SCGB2B2: variants seen among roughly 807,000 people sequenced by gnomAD.
The protein encoded by SCGB2B2 is secretoglobin family 2B member 2.
Under a neutral mutation model 7.6 loss-of-function variants are expected in SCGB2B2, and 11 were observed. That is an observed-to-expected ratio of 1.45 (90% CI 0.91 to 2.40). The LOEUF (loss-of-function observed/expected upper bound fraction) is 2.40. Among genes scored for constraint, SCGB2B2 ranks in the 30% most tolerant of loss-of-function variants. The probability of loss-of-function intolerance (pLI) is 0.00; values close to 1 mark genes in which losing one functional copy is unlikely to be tolerated. For synonymous variants in SCGB2B2, 50 were observed against 48.6 expected, an observed-to-expected ratio of 1.03 and a Z score of -0.12; for missense variants, 104 against 115.4, an observed-to-expected ratio of 0.90 and a Z score of 0.45.
downstream of SCGB2B2, among the ~76,000 whole-genome samples, chr19:34,586,258 AAT>A (rs1276522774): frequency 7.2e-5 from 11 of 151,734 alleles, no homozygotes; most frequent in African/African-American, 2.7e-4. Flanking sequence ...ATTTTGTTTT[AAT>A]ATCTTTTAAT....
downstream of SCGB2B2, among the ~76,000 whole-genome samples, chr19:34,587,711 T>C (rs973720999): frequency 3.3e-5 from 5 of 152,246 alleles, no homozygotes; most frequent in Admixed American, 2.0e-4. Context: ...ATTCCTTCTA[T>C]ACTCAGTTTG....
intron 1 of SCGB2B2, among the ~76,000 whole-genome samples, chr19:34,617,005 G>A (rs1454208268): frequency 6.6e-6 from 1 of 152,120 alleles, no homozygotes; most frequent in Non-Finnish European, 1.5e-5. Context: ...TAGATATGCG[G>A]CATTATTTCT....
At chr19:34,616,315 A>C (rs1484833697) in intron 1 of SCGB2B2, among the ~76,000 whole-genome samples, 1 of 147,704 alleles carries the variant, frequency 6.8e-6, no homozygotes, top group African/African-American at 2.5e-5. Flanking sequence ...ACAGGGTAAA[A>C]GTGTTCCTAT....
chr19:34,640,706 A>G (rs1010187296), intron 1 of SCGB2B2: 1 of 152,178 alleles, frequency 6.6e-6, no homozygotes, highest in Non-Finnish European at 1.5e-5. Context: ...ACCACTATCG[A>G]TGTCCAAAAC....
rs1323314031 is a variant in SCGB2B2, at chr19:34,668,572, C to T, written c.-2032+7058G>A. On this transcript the variant is annotated intron_variant, in intron 1 of 3. Transcript: ENST00000601241. Reference sequence around the variant, plus strand: ...TGGCAGGCAGCTCCACCTGTGGCCCCGGTGCGGGATCCACTGGGTGAAGCC... The same window carrying T: ...TGGCAGGCAGCTCCACCTGTGGCCCTGGTGCGGGATCCACTGGGTGAAGCC... Among the ~76,000 whole-genome samples the T allele has an allele frequency of 3.3e-5, 5 of 152,216 alleles. No individual in the cohort carries two copies. The East Asian group carries it at 7.7e-4, about 23-fold the overall frequency.
intron 1 of SCGB2B2, among the ~76,000 whole-genome samples, chr19:34,626,284 A>G (rs950543881): frequency 1.3e-5 from 2 of 152,248 alleles, no homozygotes; most frequent in African/African-American, 4.8e-5. Flanking sequence ...TTGAGAGAAG[A>G]AGGCTTCAGA....
chr19:34,610,675 G>C (rs921692391), intron 1 of SCGB2B2, among the ~76,000 whole-genome samples: 1 of 151,668 alleles, frequency 6.6e-6, no homozygotes, highest in Non-Finnish European at 1.5e-5. Flanking sequence ...CTTGATCATG[G>C]TGAATTAGCA....
At chr19:34,659,358 T>G (rs556136624) in intron 1 of SCGB2B2, among the ~76,000 whole-genome samples, 4 of 152,216 alleles carry the variant, frequency 2.6e-5, no homozygotes, top group Non-Finnish European at 5.9e-5. Context: ...TGTCCCTGTT[T>G]GCAGATGACA....
At chr19:34,636,046 G>C (rs1233338248) in intron 1 of SCGB2B2, among the ~76,000 whole-genome samples, 1 of 152,180 alleles carries the variant, frequency 6.6e-6, no homozygotes, top group Non-Finnish European at 1.5e-5. Flanking sequence ...AGGCTTTCTG[G>C]GCAGCTGGAC....
At chr19:34,655,797 C>T (rs1047484220) in intron 1 of SCGB2B2, among the ~76,000 whole-genome samples, 7 of 151,102 alleles carry the variant, frequency 4.6e-5, no homozygotes, top group Non-Finnish European at 1.0e-4. Flanking sequence ...ACATATCTAA[C>T]GAGAGGCAAG....
At chr19:34,603,723 A>G (rs2065694794) in intron 1 of SCGB2B2, among the ~76,000 whole-genome samples, 1 of 151,982 alleles carries the variant, frequency 6.6e-6, no homozygotes, top group Non-Finnish European at 1.5e-5. Context: ...TTTTTCTTGG[A>G]ATTTAAACAC....
chr19:34,639,077 T>C (rs992554095), intron 1 of SCGB2B2, among the ~76,000 whole-genome samples: 7 of 152,206 alleles, frequency 4.6e-5, no homozygotes, highest in Non-Finnish European at 8.8e-5. Flanking sequence ...TTTACTTTTT[T>C]TCCCCTAATT....
At chr19:34,625,187 C>T (rs184680016) in intron 1 of SCGB2B2, among the ~76,000 whole-genome samples, 50 of 152,266 alleles carry the variant, frequency 3.3e-4, no homozygotes, top group Admixed American at 2.6e-3. Flanking sequence ...CAGCTCCCAG[C>T]GTGAGTGATG....
At chr19:34,587,493 C>A (rs937814671), downstream of SCGB2B2, among the ~76,000 whole-genome samples, 1 of 152,144 alleles carries the variant, frequency 6.6e-6, no homozygotes, top group African/African-American at 2.4e-5. Flanking sequence ...ATTTGACATC[C>A]TCCTTTCCAG....
At chr19:34,587,478 A>G (rs919692331), downstream of SCGB2B2, among the ~76,000 whole-genome samples, 11 of 152,172 alleles carry the variant, frequency 7.2e-5, no homozygotes, top group African/African-American at 2.7e-4. Context: ...CTGCAAGCAG[A>G]GACAATTTGA....
At chr19:34,615,664 T>G (rs1314356028) in intron 1 of SCGB2B2, among the ~76,000 whole-genome samples, 1 of 152,166 alleles carries the variant, frequency 6.6e-6, no homozygotes, top group Non-Finnish European at 1.5e-5. Flanking sequence ...TGTGTGGATT[T>G]GGTATCAATC....
chr19:34,618,307 C>T (rs2145881383), intron 1 of SCGB2B2, among the ~76,000 whole-genome samples: 1 of 152,272 alleles, frequency 6.6e-6, no homozygotes, highest in Non-Finnish European at 1.5e-5. Context: ...ATAATGCAAA[C>T]TTTTTATAAA....
intron 1 of SCGB2B2, among the ~76,000 whole-genome samples, chr19:34,626,271 G>A (rs541469901): frequency 2.0e-5 from 3 of 152,310 alleles, no homozygotes; most frequent in East Asian, 1.9e-4. Context: ...TGACTTTGAC[G>A]AGTTGAGAGA....
rs1216592145 is a variant in SCGB2B2 at position 34,596,123 on chromosome 19, C to T, written c.-1560G>A. On this transcript the variant is annotated 5_prime_UTR_variant, in exon 2 of 4. Coordinates refer to ENST00000601241, the MANE Select transcript of SCGB2B2 (RefSeq NM_001025591.4). The stretch of plus-strand genomic sequence containing the variant: ...GGACTTGGGCCTCTTAAAGGACCTA[C>T]CCAGCATTGGGTAGGACTTAGAGTG... The T allele has an allele frequency of 6.6e-6, 1 of 152,288 alleles. No individual in the cohort carries two copies. Among genetic ancestry groups the T allele is most frequent in the Non-Finnish European group, 1.5e-5 (1 of 68,080 alleles). 9.4% of individuals were successfully genotyped at this position (152,288 alleles called of 1,614,324 possible). A position where few individuals can be genotyped will look rare whatever the true frequency, so the allele number is the denominator to read the frequency against.
Sources: gnomAD v4.1 joint callset for allele counts (sites outside exome capture counted in the v4.1 genomes callset) on GRCh38, gnomAD v4.1.1 for gene constraint, MANE v1.5 for transcripts, NCBI Gene and HGNC (gene_info 2026-07-23, HGNC 2026-07-21) for gene names.